Variants in TENM3 observed in about 807,000 individuals in gnomAD.
TENM3 encodes teneurin transmembrane protein 3.
A neutral mutation model predicts 255.1 loss-of-function variants in TENM3; 63 were observed. The observed-to-expected ratio is 0.25, with a 90% CI of 0.20 to 0.30. TENM3 has a LOEUF of 0.30. Ranked by LOEUF, TENM3 falls within the 10% of genes least tolerant of loss-of-function variation. The pLI, the probability that TENM3 is intolerant of heterozygous loss-of-function variation, is 1.00. For missense variants in TENM3, 2,929 were observed against 3,461.1 expected (o/e 0.85, Z 3.86); for synonymous variants, 1,306 against 1,322.3 (o/e 0.99, Z 0.27).
At chr4:182,536,285 T>C (rs1740306056) in intron 3 of TENM3, among the ~76,000 whole-genome samples, 1 of 152,252 alleles carries the variant, frequency 6.6e-6, no homozygotes, top group Non-Finnish European at 1.5e-5. Context: ...GCCATTCTTA[T>C]AAAATTAACA....
chr4:181,947,305 A>C, the TENM3 span, among the ~76,000 whole-genome samples: 2 of 152,284 alleles, frequency 1.3e-5, no homozygotes, highest in Admixed American at 1.3e-4. Context: ...AAATTGAGTA[A>C]CTAACTGTCT....
the TENM3 span, among the ~76,000 whole-genome samples, chr4:181,697,081 A>T: frequency 6.6e-6 from 1 of 152,168 alleles, no homozygotes; most frequent in South Asian, 2.1e-4. Flanking sequence ...ACCCTTGATG[A>T]CCAACAATTA....
At chr4:182,515,632 A>C (rs1737859967) in intron 3 of TENM3, among the ~76,000 whole-genome samples, 1 of 152,184 alleles carries the variant, frequency 6.6e-6, no homozygotes, top group Admixed American at 6.6e-5. Flanking sequence ...GTTTGGAGAG[A>C]CTTAATATCA....
intron 3 of TENM3, among the ~76,000 whole-genome samples, chr4:182,508,844 C>G (rs1221270013): frequency 6.6e-6 from 1 of 152,194 alleles, no homozygotes; most frequent in Non-Finnish European, 1.5e-5. Flanking sequence ...AATATTTTCT[C>G]TGCATGGACA....
At chr4:182,221,409 G>A (rs1227451741) in intron 1 of TENM3, among the ~76,000 whole-genome samples, 1 of 152,170 alleles carries the variant, frequency 6.6e-6, no homozygotes, top group East Asian at 1.9e-4. Flanking sequence ...AAAATGAAGA[G>A]ATAATCTAGG....
At chr4:181,817,547 C>T in the TENM3 span, among the ~76,000 whole-genome samples, 1 of 152,130 alleles carries the variant, frequency 6.6e-6, no homozygotes, top group East Asian at 1.9e-4. Flanking sequence ...ATGTGTGTTC[C>T]CCAAAATTTA....
chr4:182,412,898 C>G (rs903585944), intron 3 of TENM3, among the ~76,000 whole-genome samples: 10 of 149,274 alleles, frequency 6.7e-5, no homozygotes, highest in African/African-American at 2.5e-4. Context: ...ATTATGAAAA[C>G]AAATGAAACA....
At chr4:182,556,006 GTT>G (rs1742547926) in intron 3 of TENM3, among the ~76,000 whole-genome samples, 3 of 151,672 alleles carry the variant, frequency 2.0e-5, no homozygotes, top group Non-Finnish European at 2.9e-5. Context: ...TTTTTTTGTT[GTT>G]TAGTCTCTTT....
At chr4:181,590,934 C>CT in the TENM3 span, among the ~76,000 whole-genome samples, 1 of 152,126 alleles carries the variant, frequency 6.6e-6, no homozygotes, top group Non-Finnish European at 1.5e-5. Flanking sequence ...TGTTACCATG[C>CT]TATGATGTCT....
the TENM3 span, chr4:182,084,818 C>T: frequency 6.6e-6 from 1 of 152,132 alleles, no homozygotes; most frequent in Non-Finnish European, 1.5e-5. Flanking sequence ...AAAAATCTTT[C>T]ATGTATAAAT....
At chr4:182,210,704 G>A (rs1754967639) in intron 1 of TENM3, among the ~76,000 whole-genome samples, 1 of 149,562 alleles carries the variant, frequency 6.7e-6, no homozygotes, top group Non-Finnish European at 1.5e-5. Flanking sequence ...TGAGGCTTCC[G>A]ATGCCCTGAC....
the TENM3 span, among the ~76,000 whole-genome samples, chr4:181,898,743 T>A: frequency 6.6e-6 from 1 of 152,182 alleles, no homozygotes; most frequent in Non-Finnish European, 1.5e-5. Flanking sequence ...ATATTTTTCA[T>A]CTGTCATGTG....
chr4:182,761,448 T>C (rs1763186170), intron 22 of TENM3, among the ~76,000 whole-genome samples: 1 of 102,972 alleles, frequency 9.7e-6, no homozygotes, highest in Non-Finnish European at 2.3e-5. Context: ...TAGAGAGGTG[T>C]CTTCCACAGG....
the TENM3 span, among the ~76,000 whole-genome samples, chr4:181,972,858 C>T: frequency 6.6e-6 from 1 of 152,146 alleles, no homozygotes; most frequent in Non-Finnish European, 1.5e-5. Flanking sequence ...GATTGGGATT[C>T]CTATTCATTA....
the TENM3 span, among the ~76,000 whole-genome samples, chr4:182,138,369 C>T: frequency 6.6e-6 from 1 of 152,158 alleles, no homozygotes; most frequent in Non-Finnish European, 1.5e-5. Flanking sequence ...ATTTATAGCT[C>T]AATTTAACCC....
chr4:182,161,888 C>T lies in TENM3; in HGVS notation c.-76+17134C>T, dbSNP rs1419311562. ...GTATATATGTGTATATATATACACACATATATGTGTATATATACACACACA... is the reference window on the plus strand; with the variant it reads ...GTATATATGTGTATATATATACACATATATATGTGTATATATACACACACA... On this transcript the variant is annotated intron_variant, in intron 1 of 2. Coordinates refer to the TENM3 transcript ENST00000512480. 5.2e-4 allele frequency among the ~76,000 whole-genome samples: 27 copies of T among 51,660 alleles called. 5 individuals carry two copies. The highest frequency in any genetic ancestry group is 1.3e-3 in the African/African-American group (19 of 14,260). 33.9% of individuals were successfully genotyped at this position (51,660 alleles called of 152,430 possible). A position where few individuals can be genotyped will look rare whatever the true frequency, so the allele number is the denominator to read the frequency against.
At chr4:181,600,801 C>A in the TENM3 span, among the ~76,000 whole-genome samples, 2 of 151,342 alleles carry the variant, frequency 1.3e-5, no homozygotes, top group South Asian at 4.2e-4. Context: ...TCATTAGCAC[C>A]ATTTTCCAAT....
chr4:181,903,953 T>A, the TENM3 span, among the ~76,000 whole-genome samples: 2,020 of 152,234 alleles, frequency 0.013, 62 homozygotes, highest in East Asian at 0.13. Flanking sequence ...TATAAAACAA[T>A]GATTTCCATG....
the TENM3 span, among the ~76,000 whole-genome samples, chr4:181,798,674 G>GT: frequency 6.6e-6 from 1 of 152,080 alleles, no homozygotes; most frequent in Non-Finnish European, 1.5e-5. Flanking sequence ...CCCAAGTAAT[G>GT]TTTTTTTATT....
Sources: gnomAD v4.1 joint callset for allele counts (sites outside exome capture counted in the v4.1 genomes callset) on GRCh38, gnomAD v4.1.1 for gene constraint, MANE v1.5 for transcripts, NCBI Gene and HGNC (gene_info 2026-07-23, HGNC 2026-07-21) for gene names.